GRM3: variants seen among roughly 807,000 people sequenced by gnomAD.
GRM3 encodes the protein glutamate metabotropic receptor 3.
Under a neutral mutation model 70.5 loss-of-function variants are expected in GRM3, and 26 were observed. The observed-to-expected ratio is 0.37, with a 90% CI of 0.27 to 0.51. The LOEUF is 0.51. Ranked by LOEUF, GRM3 falls within the 20% of genes least tolerant of loss-of-function variation. GRM3 has a pLI of 0.93. For missense variants in GRM3, 859 were observed against 1,123.8 expected, an observed-to-expected ratio of 0.76 and a Z score of 3.37; for synonymous variants, 443 against 434.9, an observed-to-expected ratio of 1.02 and a Z score of -0.23.
intron 3 of GRM3, among the ~76,000 whole-genome samples, chr7:86,826,354 C>T (rs982986187): frequency 2.0e-5 from 3 of 152,190 alleles, no homozygotes; most frequent in African/African-American, 7.2e-5. Context: ...GCTCCTGCTG[C>T]AGACAAGAAT....
At position 86,683,122 on chromosome 7, in the gene GRM3, T is replaced by C. The variant is rs538388784; in HGVS notation, c.-141+38250T>C. Among the ~76,000 whole-genome samples the C allele has an allele frequency of 5.9e-5, 9 of 152,262 alleles. No homozygotes were observed. In the South Asian group the frequency reaches 1.9e-3, roughly 32 times the overall value. On this transcript the variant is annotated intron_variant, in intron 1 of 5. Transcript: ENST00000361669. The stretch of plus-strand genomic sequence containing the variant: ...GATCTAGATGAGCCATGGTAGGTTT[T>C]GAACTCAAATAATGGCCATGAAAAT...
chr7:86,703,201 C>T (rs569387648), intron 1 of GRM3, among the ~76,000 whole-genome samples: 2 of 151,904 alleles, frequency 1.3e-5, no homozygotes, highest in South Asian at 4.1e-4. Flanking sequence ...TTATAATCAT[C>T]ATATCTGACT....
chr7:86,757,109 T>C (rs1796364063), intron 1 of GRM3, among the ~76,000 whole-genome samples: 1 of 152,200 alleles, frequency 6.6e-6, no homozygotes, highest in Non-Finnish European at 1.5e-5. Context: ...ATATTTATAA[T>C]AGTCCAAGTT....
chr7:86,719,919 T>G (rs2116221459), intron 1 of GRM3, among the ~76,000 whole-genome samples: 1 of 152,046 alleles, frequency 6.6e-6, no homozygotes, highest in South Asian at 2.1e-4. Context: ...CTCACAAAAC[T>G]CAATAAAGAA....
chr7:86,734,060 A>T (rs1795800191), intron 1 of GRM3, among the ~76,000 whole-genome samples: 1 of 152,172 alleles, frequency 6.6e-6, no homozygotes, highest in Non-Finnish European at 1.5e-5. Context: ...TTTTACTGAG[A>T]CTGTGTTTAT....
chr7:86,758,105 A>G (rs1796391632), intron 1 of GRM3, among the ~76,000 whole-genome samples: 1 of 152,064 alleles, frequency 6.6e-6, no homozygotes, highest in African/African-American at 2.4e-5. Context: ...CTCACTCTCT[A>G]CTTAGCAATA....
At chr7:86,660,275 G>T (rs935854063) in intron 1 of GRM3, among the ~76,000 whole-genome samples, 5 of 151,984 alleles carry the variant, frequency 3.3e-5, no homozygotes, top group Non-Finnish European at 5.9e-5. Context: ...AAATGATTGC[G>T]AATTAATTGT....
At chr7:86,852,324 C>T (rs1009630078) in intron 5 of GRM3, among the ~76,000 whole-genome samples, 1 of 152,074 alleles carries the variant, frequency 6.6e-6, no homozygotes, top group Non-Finnish European at 1.5e-5. Context: ...TTCAAAATTG[C>T]GTATATCCAG....
At chr7:86,821,366 AAC>A in intron 3 of GRM3, among the ~76,000 whole-genome samples, 1 of 152,328 alleles carries the variant, frequency 6.6e-6, no homozygotes, top group South Asian at 2.1e-4. Context: ...CAGTGGTGGA[AAC>A]AGAGTCACTC....
chr7:86,771,355 C>T (rs893531607), intron 2 of GRM3, among the ~76,000 whole-genome samples: 6 of 152,000 alleles, frequency 3.9e-5, no homozygotes, highest in African/African-American at 7.2e-5. Context: ...TCTTTTATAT[C>T]GGGATCACTT....
At chr7:86,821,238 T>A (rs1584263981) in intron 3 of GRM3, among the ~76,000 whole-genome samples, 1 of 152,236 alleles carries the variant, frequency 6.6e-6, no homozygotes, top group African/African-American at 2.4e-5. Flanking sequence ...CTTAGTCTAA[T>A]TTAGGTAAAT....
chr7:86,644,392 T>C lies in GRM3; in HGVS notation c.-621T>C, dbSNP rs1368919358. On this transcript the variant is annotated 5_prime_UTR_variant, in exon 1 of 6. Transcript: ENST00000361669. ...TCCGTGCTTCTGCCAAGAGTCCCAATTAGATGCGACGGCTTCAGCCTGGTC... is the reference window on the plus strand; with the variant it reads ...TCCGTGCTTCTGCCAAGAGTCCCAACTAGATGCGACGGCTTCAGCCTGGTC... 14 of 319,722 alleles carry C rather than the reference T, an allele frequency of 4.4e-5. No homozygotes were observed. In the East Asian group the frequency reaches 1.3e-3, roughly 29 times the overall value. 19.8% of individuals were successfully genotyped at this position (319,722 alleles called of 1,614,324 possible).
chr7:86,674,069 C>T (rs1794242998), intron 1 of GRM3, among the ~76,000 whole-genome samples: 1 of 152,074 alleles, frequency 6.6e-6, no homozygotes, highest in Non-Finnish European at 1.5e-5. Flanking sequence ...AAAATGTAGC[C>T]ATTTAAAACA....
At chr7:86,834,370 G>T (rs1176060949) in intron 3 of GRM3, among the ~76,000 whole-genome samples, 4 of 151,898 alleles carry the variant, frequency 2.6e-5, no homozygotes, top group Non-Finnish European at 5.9e-5. Context: ...ACAGCATTTT[G>T]GTCAAACTTT....
At chr7:86,775,683 A>G (rs986459806) in intron 2 of GRM3, among the ~76,000 whole-genome samples, 10 of 152,098 alleles carry the variant, frequency 6.6e-5, no homozygotes, top group African/African-American at 1.9e-4. Context: ...TTTACCTTCT[A>G]CTAATCCCTG....
intron 5 of GRM3, among the ~76,000 whole-genome samples, chr7:86,858,722 A>AT (rs755029342): frequency 2.6e-4 from 40 of 152,234 alleles, no homozygotes; most frequent in Admixed American, 1.1e-3. Context: ...ATGGGTCATT[A>AT]AAAAGGGTCA....
chr7:86,769,799 G>A (rs984589011), intron 2 of GRM3, among the ~76,000 whole-genome samples: 6 of 152,084 alleles, frequency 3.9e-5, no homozygotes, highest in African/African-American at 1.2e-4. Flanking sequence ...TAAAACAACA[G>A]TATTGATTTC....
intron 5 of GRM3, among the ~76,000 whole-genome samples, chr7:86,851,437 G>GT (rs1157278164): frequency 6.6e-6 from 1 of 152,124 alleles, no homozygotes; most frequent in Non-Finnish European, 1.5e-5. Flanking sequence ...CAGCTAAATT[G>GT]TGGTATGAAG....
intron 5 of GRM3, among the ~76,000 whole-genome samples, chr7:86,851,205 A>C (rs1427448278): frequency 6.6e-6 from 1 of 152,148 alleles, no homozygotes; most frequent in African/African-American, 2.4e-5. Flanking sequence ...CACCTTGGAA[A>C]ATGCTGGAAT....
Sources: gnomAD v4.1 joint callset for allele counts (sites outside exome capture counted in the v4.1 genomes callset) on GRCh38, gnomAD v4.1.1 for gene constraint, MANE v1.5 for transcripts, NCBI Gene and HGNC (gene_info 2026-07-23, HGNC 2026-07-21) for gene names.